ZIM2: variants seen among roughly 807,000 people sequenced by gnomAD.
ZIM2 encodes the protein zinc finger imprinted 2.
A neutral mutation model predicts 38.6 loss-of-function variants in ZIM2; 14 were observed. The observed-to-expected ratio is 0.36, with a 90% CI of 0.24 to 0.57. ZIM2 has a LOEUF of 0.57. Among genes scored for constraint, ZIM2 ranks in the 20% least tolerant of loss-of-function variants. The probability of loss-of-function intolerance (pLI) is 0.81; values close to 1 mark genes in which losing one functional copy is unlikely to be tolerated. For missense variants in ZIM2, 680 were observed against 695.1 expected, an observed-to-expected ratio of 0.98 and a Z score of 0.24; for synonymous variants, 247 against 245.8, an observed-to-expected ratio of 1.00 and a Z score of -0.04.
chr19:56,792,290 G>A (rs2046973741), intron 9 of ZIM2, among the ~76,000 whole-genome samples: 1 of 151,778 alleles, frequency 6.6e-6, no homozygotes, highest in Non-Finnish European at 1.5e-5. Context: ...CATTTTGGGA[G>A]GCTGAGGTGA....
intron 9 of ZIM2, among the ~76,000 whole-genome samples, chr19:56,803,980 C>T (rs781138926): frequency 6.6e-6 from 1 of 152,218 alleles, no homozygotes; most frequent in African/African-American, 2.4e-5. Context: ...ACTCTAACAC[C>T]CACTTTGGTG....
chr19:56,834,797 T>C (rs1335033328), intron 2 of ZIM2, among the ~76,000 whole-genome samples: 4 of 152,176 alleles, frequency 2.6e-5, no homozygotes, highest in Non-Finnish European at 5.9e-5. Flanking sequence ...CATAGCCACC[T>C]ATCTTGGTAA....
At chr19:56,815,762 A>G in intron 9 of ZIM2, 1 of 1,613,882 alleles carries the variant, frequency 6.2e-7, no homozygotes, top group Non-Finnish European at 8.5e-7. Context: ...TGTATGACAG[A>G]GTCTTCATAG....
In ZIM2 at chr19:56,813,954, T is replaced by C. The variant is rs779380137; in HGVS notation, c.490+3792A>G. ...AGTATGGTTCTTCTACCTGAATCTC[T>C]TGATCTTCACCTTCTTCTGGGTCTT... On this transcript the variant is annotated intron_variant, in intron 9 of 12. Coordinates refer to ENST00000629319, the MANE Select transcript of ZIM2 (RefSeq NM_001387356.1). 5.6e-6 allele frequency: 9 copies of C among 1,614,062 alleles called. No individual in the cohort carries two copies. The East Asian group carries it at 1.3e-4, about 24-fold the overall frequency.
In ZIM2 at chr19:56,827,135, G is replaced by A. The variant is rs184970765; in HGVS notation, c.-226-672C>T. Among the ~76,000 whole-genome samples the A allele has an allele frequency of 4.4e-3, 670 of 152,228 alleles. 7 individuals are homozygous for A. The highest frequency in any genetic ancestry group is 0.015 in the African/African-American group (625 of 41,526). On this transcript the variant is annotated intron_variant, in intron 2 of 12. Coordinates refer to ENST00000629319, the MANE Select transcript of ZIM2 (RefSeq NM_001387356.1). ...ACTTTCTGTGAATAAAATATTTACCGTGTTATAAAAACCATTCCAGAGCAC... is the reference window on the plus strand; with the variant it reads ...ACTTTCTGTGAATAAAATATTTACCATGTTATAAAAACCATTCCAGAGCAC...
Position 56,814,178 on chromosome 19 carries a change from C to T in ZIM2, c.490+3568G>A. ...GCAGCCTCTCCATCTGGCCCTTCAG[C>T]CTCTCCGTTTGGCTCAGCAGCCTCC... On this transcript the variant is annotated intron_variant, in intron 9 of 12. Transcript: ENST00000629319. The surrounding 1 kb of genome is among the most constrained non-coding windows in gnomAD (Gnocchi z 5.8). 9 of 1,614,150 alleles carry T rather than the reference C, an allele frequency of 5.6e-6. No homozygotes were observed. Among genetic ancestry groups the T allele is most frequent in the Non-Finnish European group, 7.6e-6 (9 of 1,180,040 alleles).
rs563793687 is a variant in ZIM2, at chr19:56,824,209, C to A, written c.16+53G>T. 5.8e-5 allele frequency: 92 copies of A among 1,581,646 alleles called. 2 individuals are homozygous for A. The South Asian group carries it at 9.4e-4, about 16-fold the overall frequency. ...TCAGAAGTGTGGAGGCTGAGAGCCCCAGGGGACACCTGAGGCCTGCACTGA... is the reference window on the plus strand; with the variant it reads ...TCAGAAGTGTGGAGGCTGAGAGCCCAAGGGGACACCTGAGGCCTGCACTGA... On this transcript the variant is annotated intron_variant, in intron 4 of 12. Coordinates refer to ENST00000629319, the MANE Select transcript of ZIM2 (RefSeq NM_001387356.1).
In ZIM2 at chr19:56,817,767, C is replaced by T. The variant is rs753065554; in HGVS notation, c.469G>A (p.Ala157Thr). 6.2e-7 allele frequency: 1 copy of T among 1,613,962 alleles called. No homozygotes were observed. Residue 157 changes from alanine to threonine, a missense_variant, in exon 9 of 13, where the codon GCC becomes ACC. Ala to Thr is a moderately conservative substitution (Grantham distance 58). Coordinates refer to ENST00000629319, the MANE Select transcript of ZIM2 (RefSeq NM_001387356.1). ...TTACCTCGACTGGTGCTTGGGTAGG[C>T]ACTTCTCTTGGATCTTGATGAGTGG... The part of the protein sequence containing the change: ...QGHSSRSKRS[A>T]YPSTSRGFLA...
chr19:56,788,355 C>T (rs1032233042), intron 10 of ZIM2, among the ~76,000 whole-genome samples: 5 of 152,144 alleles, frequency 3.3e-5, no homozygotes, highest in Non-Finnish European at 7.4e-5. Context: ...GCCTTAATTT[C>T]GTTATTTACT....
Position 56,824,281 on chromosome 19 carries a change from C to A in ZIM2, c.-4G>T, listed in dbSNP as rs1194431417. On this transcript the variant is annotated 5_prime_UTR_variant, in exon 4 of 13. It adds an upstream start codon to the 5' untranslated region. Transcript: ENST00000629319. The stretch of plus-strand genomic sequence containing the variant: ...TCTCACCTTCTGGTTGGTACATCTC[C>A]TTGTAATTCTCCAGCAGAGTGACGA... 7 of 1,613,892 alleles carry A rather than the reference C, an allele frequency of 4.3e-6. No individual in the cohort carries two copies. Among genetic ancestry groups the A allele is most frequent in the Non-Finnish European group, 5.9e-6 (7 of 1,180,016 alleles).
At position 56,774,792 on chromosome 19, in the gene ZIM2, A is replaced by G. The variant is rs756959016; in HGVS notation, c.1573T>C (p.Tyr525His). The change falls in exon 13 of 13, where the codon TAC becomes CAC. Residue 525 changes from tyrosine (Y) to histidine (H), a missense_variant. Tyr to His is a moderately conservative substitution (Grantham distance 83). Transcript: ENST00000629319. ...HYRTHTQERPYQCQLCGKCFG... is the reference protein window; with the variant it reads ...HYRTHTQERPHQCQLCGKCFG... Reference sequence around the variant, plus strand: ...CATTTCCCACATAGCTGACACTGGTAAGGCCTCTCTTGAGTGTGAGTTCTA... The same window carrying G: ...CATTTCCCACATAGCTGACACTGGTGAGGCCTCTCTTGAGTGTGAGTTCTA... 3.1e-6 allele frequency: 5 copies of G among 1,614,090 alleles called. No individual in the cohort carries two copies. In the South Asian group the frequency reaches 4.4e-5, roughly 14 times the overall value.
At chr19:56,797,118 C>T (rs2047270494) in intron 9 of ZIM2, among the ~76,000 whole-genome samples, 1 of 152,018 alleles carries the variant, frequency 6.6e-6, no homozygotes, top group Admixed American at 6.5e-5. Context: ...TTGAGACCAG[C>T]CTAATCAACA....
chr19:56,836,895 G>A (rs1332396952), intron 1 of ZIM2, among the ~76,000 whole-genome samples: 1 of 150,708 alleles, frequency 6.6e-6, no homozygotes, highest in Non-Finnish European at 1.5e-5. Context: ...ACTTGAACCC[G>A]GGAGGCAGAG....
intron 9 of ZIM2, chr19:56,816,041 C>T (rs747236628): frequency 6.3e-7 from 1 of 1,596,866 alleles, no homozygotes; most frequent in East Asian, 2.2e-5. Flanking sequence ...TCTGCCATTA[C>T]TTTTGGTTTA....
rs759017080 is a variant in ZIM2, at chr19:56,814,232, G to C, written c.490+3514C>G. The C allele has an allele frequency of 1.2e-6, 2 of 1,612,722 alleles. No homozygotes were observed. The highest frequency in any genetic ancestry group is 1.7e-6 in the Non-Finnish European group (2 of 1,179,500). ...TCTGGCTCAGCAGCCTCCACTTCTG[G>C]CTCGGCAGCCTCCACTTCTGGCTCA... On this transcript the variant is annotated intron_variant, in intron 9 of 12. Coordinates refer to ENST00000629319, the MANE Select transcript of ZIM2 (RefSeq NM_001387356.1). The surrounding 1 kb of genome is among the most constrained non-coding windows in gnomAD (Gnocchi z 5.8).
In ZIM2 at chr19:56,779,372, C is replaced by T. The variant is rs1568563904; in HGVS notation, c.835+5G>A. ...TACACCCCGGGCTTCCCCCTCACTA[C>T]TCACCTTGACAAATCACTGTATGTC... is the stretch of plus-strand genomic sequence containing the variant. On this transcript the variant is annotated splice_donor_5th_base_variant and intron_variant, in intron 12 of 12. Transcript: ENST00000629319. The T allele has an allele frequency of 6.2e-7, 1 of 1,613,494 alleles. No homozygotes were observed. The highest frequency in any genetic ancestry group is 8.5e-7 in the Non-Finnish European group (1 of 1,179,644).
chr19:56,834,925 C>T lies in ZIM2; in HGVS notation c.-227+1093G>A, dbSNP rs554635357. On this transcript the variant is annotated intron_variant, in intron 2 of 12. Transcript: ENST00000629319. ...GCATGATCCTGTCCTGGATCAGGCC[C>T]AGTATCAATGCTTGCTAACAAATGA... Among the ~76,000 whole-genome samples the T allele has an allele frequency of 4.6e-5, 7 of 152,302 alleles. No homozygotes were observed. In the South Asian group the frequency reaches 1.5e-3, roughly 32 times the overall value.
chr19:56,833,032 G>C, intron 2 of ZIM2: 1 of 389,282 alleles, frequency 2.6e-6, no homozygotes, highest in South Asian at 1.9e-5. Flanking sequence ...GAAGATCCAT[G>C]GCTTTAATCA....
chr19:56,839,834 G>A (rs1326811767), intron 1 of ZIM2, among the ~76,000 whole-genome samples: 4 of 150,752 alleles, frequency 2.7e-5, no homozygotes, highest in African/African-American at 7.3e-5. Context: ...TGGGGCTTGA[G>A]CAGACGATTA....
Sources: gnomAD v4.1 joint callset for allele counts (sites outside exome capture counted in the v4.1 genomes callset) on GRCh38, gnomAD v4.1.1 for gene constraint, Gnocchi (gnomAD v3.1) non-coding constraint, MANE v1.5 for transcripts, NCBI Gene and HGNC (gene_info 2026-07-23, HGNC 2026-07-21) for gene names.